Variants in GRB10 observed in about 807,000 individuals in gnomAD.
GRB10 encodes the protein growth factor receptor bound protein 10, also known as growth factor receptor-bound protein 10.
Under a neutral mutation model 80.9 loss-of-function variants are expected in GRB10, and 20 were observed. That is an observed-to-expected ratio of 0.25 (90% confidence interval 0.17 to 0.36). GRB10 has a LOEUF of 0.36. GRB10 is among the 10% of genes least tolerant of loss of function. The pLI, the probability that GRB10 is intolerant of heterozygous loss-of-function variation, is 1.00. For missense variants in GRB10, 548 were observed against 747.7 expected, an observed-to-expected ratio of 0.73 and a Z score of 3.12; for synonymous variants, 291 against 291.5, an observed-to-expected ratio of 1.00 and a Z score of 0.02.
intron 3 of GRB10, among the ~76,000 whole-genome samples, chr7:50,738,074 C>A (rs971217976): frequency 6.6e-6 from 1 of 152,162 alleles, no homozygotes; most frequent in Non-Finnish European, 1.5e-5. Context: ...CAAGATACCA[C>A]CTGACACTCA....
At chr7:50,677,479 A>G (rs192084094) in intron 5 of GRB10, among the ~76,000 whole-genome samples, 1,565 of 152,308 alleles carry the variant, frequency 0.01, 31 homozygotes, top group Non-Finnish European at 0.011. Context: ...ATTGCAGTCC[A>G]GAGAACTCTG....
intron 1 of GRB10, among the ~76,000 whole-genome samples, chr7:50,791,562 G>A (rs1005956115): frequency 6.6e-6 from 1 of 152,352 alleles, no homozygotes; most frequent in Admixed American, 6.5e-5. Context: ...GTAAAATGGG[G>A]ATCAGGAGGT....
At chr7:50,790,558 G>C (rs988438892) in intron 1 of GRB10, among the ~76,000 whole-genome samples, 2 of 152,256 alleles carry the variant, frequency 1.3e-5, no homozygotes, top group Non-Finnish European at 2.9e-5. Context: ...AACGTGCAAA[G>C]GCACAGGCTT....
At chr7:50,665,871 G>A (rs949930147) in intron 7 of GRB10, among the ~76,000 whole-genome samples, 2 of 152,148 alleles carry the variant, frequency 1.3e-5, no homozygotes, top group Non-Finnish European at 2.9e-5. Context: ...GCCGGTGTAC[G>A]TCTCCCCCAC....
chr7:50,789,529 T>C (rs1478295779), intron 1 of GRB10, among the ~76,000 whole-genome samples: 1 of 152,152 alleles, frequency 6.6e-6, no homozygotes, highest in Non-Finnish European at 1.5e-5. Flanking sequence ...GTGTGCCTGC[T>C]GCCCTGGTCA....
chr7:50,625,261 A>C (rs1473150964), intron 8 of GRB10, among the ~76,000 whole-genome samples: 3 of 152,192 alleles, frequency 2.0e-5, no homozygotes, highest in Admixed American at 2.0e-4. Context: ...ATATTCAAGT[A>C]CTAAATGTCC....
intron 3 of GRB10, among the ~76,000 whole-genome samples, chr7:50,739,881 C>A (rs1468631717): frequency 1.3e-5 from 2 of 152,190 alleles, no homozygotes; most frequent in Admixed American, 1.3e-4. Flanking sequence ...TCTCTCCTCC[C>A]TGACTCAGGA....
chr7:50,691,828 T>C (rs1244608890), intron 5 of GRB10, among the ~76,000 whole-genome samples: 1 of 152,138 alleles, frequency 6.6e-6, no homozygotes, highest in Admixed American at 6.5e-5. Flanking sequence ...AAATCACAAT[T>C]ATCATCAACT....
intron 4 of GRB10, among the ~76,000 whole-genome samples, chr7:50,711,776 T>C (rs910709388): frequency 1.3e-5 from 2 of 152,212 alleles, no homozygotes; most frequent in South Asian, 4.1e-4. Context: ...ATTATACTTT[T>C]ATTAAATATT....
chr7:50,681,663 G>A (rs1397271763), intron 5 of GRB10, among the ~76,000 whole-genome samples: 2 of 152,240 alleles, frequency 1.3e-5, no homozygotes, highest in Non-Finnish European at 2.9e-5. Flanking sequence ...AGCCTGCCAT[G>A]AAGCACTGAA....
At chr7:50,646,541 GT>G (rs1253729068) in intron 7 of GRB10, among the ~76,000 whole-genome samples, 9 of 152,036 alleles carry the variant, frequency 5.9e-5, no homozygotes, top group African/African-American at 2.2e-4. Flanking sequence ...AATAAAATAG[GT>G]TCTCCTTTTT....
At chr7:50,641,278 G>GA (rs1563257121) in intron 7 of GRB10, among the ~76,000 whole-genome samples, 1 of 117,394 alleles carries the variant, frequency 8.5e-6, no homozygotes, top group African/African-American at 3.1e-5. Flanking sequence ...ATCAAAAAAG[G>GA]TGGGGGGGTA....
chr7:50,660,873 A>G (rs1563332518), intron 7 of GRB10, among the ~76,000 whole-genome samples: 2 of 152,068 alleles, frequency 1.3e-5, no homozygotes. Context: ...TGCAGACCCA[A>G]CCCACTGCAG....
chr7:50,723,414 C>A (rs1031801850), intron 4 of GRB10, among the ~76,000 whole-genome samples: 3 of 152,164 alleles, frequency 2.0e-5, no homozygotes, highest in Non-Finnish European at 4.4e-5. Context: ...TCCTCATTGT[C>A]CAAAGAACGA....
chr7:50,676,993 G>A (rs1233727555), intron 5 of GRB10, among the ~76,000 whole-genome samples: 1 of 152,182 alleles, frequency 6.6e-6, no homozygotes, highest in Non-Finnish European at 1.5e-5. Flanking sequence ...TCAAACCAGG[G>A]CCAGGGGAGA....
chr7:50,703,910 T>TA lies in GRB10; in HGVS notation c.52-3dup, dbSNP rs753876365. 2.5e-6 allele frequency: 4 copies of TA among 1,611,032 alleles called. No individual in the cohort carries two copies. The highest frequency in any genetic ancestry group is 2.2e-5 in the East Asian group (1 of 44,810). Reference sequence around the variant, plus strand: ...GCGAGGTGTCTGCTCCACCTTGTCCTAAAAAAACAGGACCGCAGCAGAAAG... The same window carrying TA: ...GCGAGGTGTCTGCTCCACCTTGTCCTAAAAAAAACAGGACCGCAGCAGAAAG... On this transcript the variant is annotated splice_polypyrimidine_tract_variant and splice_region_variant and intron_variant, in intron 4 of 18. Transcript: ENST00000401949.
At chr7:50,606,489 G>T in intron 13 of GRB10, 75 bp from the exon 14 acceptor site, 2 of 1,042,426 alleles carry the variant, frequency 1.9e-6, no homozygotes, top group Non-Finnish European at 1.5e-6. Flanking sequence ...GCCACAGCAG[G>T]AAAGGGCAAT....
Position 50,696,126 on chromosome 7 carries a change from T to C in GRB10, c.139+7695A>G, listed in dbSNP as rs536626423. 2.0e-5 allele frequency among the ~76,000 whole-genome samples: 3 copies of C among 152,326 alleles called. No homozygotes were observed. The South Asian group carries it at 6.2e-4, about 32-fold the overall frequency. On this transcript the variant is annotated intron_variant, in intron 5 of 18. Coordinates refer to ENST00000401949, the MANE Select transcript of GRB10 (RefSeq NM_001350814.2). Reference sequence around the variant, plus strand: ...TTGTCTTTCCCTATTTCCTTTATTCTAGGGGAATATGCTATTGATTGAATT... The same window carrying C: ...TTGTCTTTCCCTATTTCCTTTATTCCAGGGGAATATGCTATTGATTGAATT...
At chr7:50,783,641 A>G (rs2078542789), upstream of GRB10, among the ~76,000 whole-genome samples, 1 of 152,222 alleles carries the variant, frequency 6.6e-6, no homozygotes, top group Admixed American at 6.5e-5. Context: ...TGCCGTTTAC[A>G]AGGCCACAGT....
Sources: gnomAD v4.1 joint callset for allele counts (sites outside exome capture counted in the v4.1 genomes callset) on GRCh38, gnomAD v4.1.1 for gene constraint, MANE v1.5 for transcripts, NCBI Gene and HGNC (gene_info 2026-07-23, HGNC 2026-07-21) for gene names.